The following ATP9A variants were observed in gnomAD, a reference collection of about 807,000 sequenced individuals.
ATP9A encodes the protein probable phospholipid-transporting ATPase IIA.
In ATP9A, 52 loss-of-function variants were observed where a neutral mutation model predicts 144.1. That is an observed-to-expected ratio of 0.36 (90% CI 0.29 to 0.45). The LOEUF (loss-of-function observed/expected upper bound fraction) is 0.45. ATP9A is among the 20% of genes least tolerant of loss of function. The probability of loss-of-function intolerance (pLI) is 1.00; values close to 1 mark genes in which losing one functional copy is unlikely to be tolerated. For missense variants in ATP9A, 947 were observed against 1,392.7 expected (o/e 0.68, Z 5.09); for synonymous variants, 582 against 557.4 (o/e 1.04, Z -0.62).
At chr20:51,634,855 C>CAAAA (rs74175564) in intron 15 of ATP9A, among the ~76,000 whole-genome samples, 3 of 109,852 alleles carry the variant, frequency 2.7e-5, no homozygotes, top group Non-Finnish European at 3.7e-5. Flanking sequence ...AACTCCATCT[C>CAAAA]AAAAAAAAAA....
chr20:51,743,708 C>G (rs2077795167), intron 1 of ATP9A, among the ~76,000 whole-genome samples: 1 of 123,484 alleles, frequency 8.1e-6, no homozygotes, highest in South Asian at 3.3e-4. Flanking sequence ...CAGCCCAAAT[C>G]CTTTAAGAGT....
At chr20:51,734,243 A>T (rs1427363021) in intron 1 of ATP9A, among the ~76,000 whole-genome samples, 1 of 151,900 alleles carries the variant, frequency 6.6e-6, no homozygotes, top group Non-Finnish European at 1.5e-5. Flanking sequence ...CTCATCTTCC[A>T]AAGTGTTGGG....
At position 51,764,253 on chromosome 20, in the gene ATP9A, T is replaced by G. The variant is rs532105341; in HGVS notation, c.68+4049A>C. The stretch of plus-strand genomic sequence containing the variant: ...CCTGGGTGTGAACCCAGCTCCTCAA[T>G]GGACTCCTGCGTCCTGGCTCCTAAC... On this transcript the variant is annotated intron_variant, in intron 1 of 27. Transcript: ENST00000338821. Among the ~76,000 whole-genome samples the G allele has an allele frequency of 3.3e-5, 5 of 152,350 alleles. No homozygotes were observed. In the South Asian group the frequency reaches 8.3e-4, roughly 25 times the overall value.
At chr20:51,675,001 G>A (rs1466892929) in intron 10 of ATP9A, among the ~76,000 whole-genome samples, 3 of 152,054 alleles carry the variant, frequency 2.0e-5, no homozygotes, top group African/African-American at 7.2e-5. Context: ...TAGTAGAGAC[G>A]GAGTTTCGCC....
intron 11 of ATP9A, among the ~76,000 whole-genome samples, chr20:51,673,325 G>A (rs2122790760): frequency 1.3e-5 from 2 of 152,228 alleles, no homozygotes; most frequent in South Asian, 4.1e-4. Context: ...AGTGAGCTGA[G>A]ATCGCACCAC....
At chr20:51,635,677 C>T (rs1215697527) in intron 15 of ATP9A, among the ~76,000 whole-genome samples, 2 of 151,040 alleles carry the variant, frequency 1.3e-5, no homozygotes, top group Non-Finnish European at 2.9e-5. Context: ...GTCGAGGCTG[C>T]AGTGAGCCAT....
intron 1 of ATP9A, among the ~76,000 whole-genome samples, chr20:51,743,306 G>A (rs538664435): frequency 6.6e-6 from 1 of 151,824 alleles, no homozygotes; most frequent in South Asian, 2.1e-4. Context: ...ACACCAAACT[G>A]AAACTGGACC....
At chr20:51,741,124 G>A (rs900217465) in intron 1 of ATP9A, among the ~76,000 whole-genome samples, 1 of 150,904 alleles carries the variant, frequency 6.6e-6, no homozygotes, top group East Asian at 2.0e-4. Context: ...AGCTACATGT[G>A]ACCACTAACT....
intron 3 of ATP9A, among the ~76,000 whole-genome samples, chr20:51,724,918 T>A (rs1024781910): frequency 6.6e-6 from 1 of 152,168 alleles, no homozygotes; most frequent in South Asian, 2.1e-4. Context: ...AAGGTGAGCA[T>A]CCCTGATGCA....
intron 22 of ATP9A, among the ~76,000 whole-genome samples, chr20:51,615,881 C>T (rs529730864): frequency 6.6e-6 from 1 of 152,236 alleles, no homozygotes; most frequent in Admixed American, 6.5e-5. Context: ...GGTAATCTGC[C>T]CACCTCGGCC....
intron 14 of ATP9A, among the ~76,000 whole-genome samples, chr20:51,645,081 C>G (rs1237892890): frequency 6.6e-6 from 1 of 152,194 alleles, no homozygotes; most frequent in Non-Finnish European, 1.5e-5. Flanking sequence ...ATGACAAACG[C>G]TTTTGAGGAA....
Position 51,639,542 on chromosome 20 carries a change from C to T in ATP9A, c.1507-38G>A, listed in dbSNP as rs576873777. 2.2e-5 allele frequency: 35 copies of T among 1,570,616 alleles called. No homozygotes were observed. The Admixed American group carries it at 2.2e-4, about 10-fold the overall frequency. On this transcript the variant is annotated intron_variant, in intron 14 of 27. Transcript: ENST00000338821. ...CAGGGTCGAAGGTCAGATGCCCAGC[C>T]GAGAATCTGGGTTCACAGGCTGTGC...
At chr20:51,644,652 C>A (rs575705502) in intron 14 of ATP9A, among the ~76,000 whole-genome samples, 4 of 151,934 alleles carry the variant, frequency 2.6e-5, no homozygotes, top group Non-Finnish European at 5.9e-5. Flanking sequence ...AATAAACATC[C>A]CAATACAATT....
rs1304156673 is a variant in ATP9A, at chr20:51,598,722, G to C, written c.*2489C>G. 1.3e-5 allele frequency: 2 copies of C among 152,140 alleles called. No individual in the cohort carries two copies. Among genetic ancestry groups the C allele is most frequent in the Admixed American group, 6.6e-5 (1 of 15,262 alleles). 9.4% of individuals were successfully genotyped at this position (152,140 alleles called of 1,614,324 possible). A position where few individuals can be genotyped will look rare whatever the true frequency, so the allele number is the denominator to read the frequency against. The stretch of plus-strand genomic sequence containing the variant: ...AAAGATCGTGTCCTCTCACCGGACT[G>C]CATCCTCCTGCCTTTGCGTCTCCAG... On this transcript the variant is annotated 3_prime_UTR_variant, in exon 28 of 28. Transcript: ENST00000338821.
At chr20:51,706,062 G>T (rs2077613447) in intron 4 of ATP9A, among the ~76,000 whole-genome samples, 1 of 152,196 alleles carries the variant, frequency 6.6e-6, no homozygotes, top group Admixed American at 6.5e-5. Flanking sequence ...ACCCCATGTG[G>T]TTTTCAACAG....
At chr20:51,658,888 C>CGGTGGGGTGGGGGGGGGGGG (rs746874247) in intron 13 of ATP9A, among the ~76,000 whole-genome samples, 1 of 54,828 alleles carries the variant, frequency 1.8e-5, no homozygotes, top group African/African-American at 8.4e-5. Context: ...AGACCACTGG[C>CGGTGGGGTGGGGGGGGGGGG]GGGGGGGGGG....
Position 51,658,895 on chromosome 20 carries a change from G to C in ATP9A, c.1294-1745C>G, listed in dbSNP as rs113458829. Among the ~76,000 whole-genome samples the C allele has an allele frequency of 3.2e-4, 38 of 117,574 alleles. 3 individuals carry two copies. Among genetic ancestry groups the C allele is most frequent in the East Asian group, 5.3e-4 (2 of 3,786 alleles). 77.1% of individuals were successfully genotyped at this position (117,574 alleles called of 152,430 possible). A position where few individuals can be genotyped will look rare whatever the true frequency, so the allele number is the denominator to read the frequency against. On this transcript the variant is annotated intron_variant, in intron 13 of 27. Coordinates refer to ENST00000338821, the MANE Select transcript of ATP9A (RefSeq NM_006045.3). Reference sequence around the variant, plus strand: ...GAAAATTAAGACCACTGGCGGGGGGGGGGGGGGGAAGGCTCATTGTTGAAC... The same window carrying C: ...GAAAATTAAGACCACTGGCGGGGGGCGGGGGGGGAAGGCTCATTGTTGAAC...
chr20:51,639,842 T>C (rs919238000), intron 14 of ATP9A, among the ~76,000 whole-genome samples: 12 of 152,130 alleles, frequency 7.9e-5, no homozygotes, highest in African/African-American at 2.9e-4. Context: ...TCCCAGCACT[T>C]TGGGAGGCCG....
chr20:51,661,109 C>T (rs2077408674), intron 13 of ATP9A, among the ~76,000 whole-genome samples: 1 of 152,180 alleles, frequency 6.6e-6, no homozygotes, highest in Admixed American at 6.5e-5. Context: ...GCCCCTGAGT[C>T]ATTTATAGCA....
Sources: gnomAD v4.1 joint callset for allele counts (sites outside exome capture counted in the v4.1 genomes callset) on GRCh38, gnomAD v4.1.1 for gene constraint, MANE v1.5 for transcripts, NCBI Gene and HGNC (gene_info 2026-07-23, HGNC 2026-07-21) for gene names.